FAM168A: variants seen among roughly 807,000 people sequenced by gnomAD.
FAM168A encodes family with sequence similarity 168 member A.
FAM168A carries 3 observed loss-of-function variants against 28.5 expected under a neutral mutation model. That is an observed-to-expected ratio of 0.11 (90% CI 0.05 to 0.27). The LOEUF is 0.27. FAM168A is among the 10% of genes least tolerant of loss of function. FAM168A has a pLI of 1.00. For missense variants in FAM168A, 222 were observed against 311.5 expected (o/e 0.71, Z 2.16); for synonymous variants, 122 against 124.2 (o/e 0.98, Z 0.12).
intron 2 of FAM168A, among the ~76,000 whole-genome samples, chr11:73,431,038 T>C (rs1392524147): frequency 2.0e-5 from 3 of 151,916 alleles, no homozygotes; most frequent in South Asian, 2.1e-4. Flanking sequence ...ATGCTCACTA[T>C]TAAAAAGAAA....
chr11:73,461,008 G>C (rs539854176), intron 2 of FAM168A, among the ~76,000 whole-genome samples: 33 of 152,324 alleles, frequency 2.2e-4, no homozygotes, highest in Admixed American at 1.9e-3. Flanking sequence ...TTCCAGGTTT[G>C]ACATCTATCT....
chr11:73,415,343 G>T (rs1242496392), intron 4 of FAM168A, among the ~76,000 whole-genome samples: 1 of 152,230 alleles, frequency 6.6e-6, no homozygotes, highest in Non-Finnish European at 1.5e-5. Flanking sequence ...GTTGCTGAAA[G>T]AGAGAGCTGT....
intron 1 of FAM168A, among the ~76,000 whole-genome samples, chr11:73,580,670 G>A (rs994047020): frequency 3.3e-5 from 5 of 152,200 alleles, no homozygotes; most frequent in African/African-American, 1.2e-4. Context: ...GTTGTTTTGA[G>A]AGGAAGGGGC....
In FAM168A at chr11:73,451,349, CAG is replaced by C. The variant is rs570546895; in HGVS notation, c.70+17054_70+17055del. On this transcript the variant is annotated intron_variant, in intron 2 of 7. Coordinates refer to ENST00000356467, the MANE Select transcript of FAM168A (RefSeq NM_015159.3). ...ATTCCAAACTCTCAGGTCAATTTGC[CAG>C]AGAGATTTATGGACCTCTGAAAAGG... Among the ~76,000 whole-genome samples, 10 of 152,250 alleles carry C rather than the reference CAG, an allele frequency of 6.6e-5. No homozygotes were observed. In the South Asian group the frequency reaches 2.1e-3, roughly 32 times the overall value.
chr11:73,597,291 C>G (rs879522859), intron 1 of FAM168A, among the ~76,000 whole-genome samples: 8 of 152,052 alleles, frequency 5.3e-5, no homozygotes, highest in Non-Finnish European at 1.2e-4. Flanking sequence ...TTCCATAAGT[C>G]TCCACAAATT....
chr11:73,473,095 C>A (rs1447126239), intron 1 of FAM168A, among the ~76,000 whole-genome samples: 1 of 152,128 alleles, frequency 6.6e-6, no homozygotes. Flanking sequence ...TACCATGTGA[C>A]AGGTACTGTG....
At chr11:73,559,366 C>T (rs1471140286) in intron 1 of FAM168A, among the ~76,000 whole-genome samples, 1 of 151,930 alleles carries the variant, frequency 6.6e-6, no homozygotes, top group African/African-American at 2.4e-5. Flanking sequence ...GAGATCGCGC[C>T]ACTGCATCGA....
chr11:73,527,804 T>C (rs1012490741), intron 1 of FAM168A, among the ~76,000 whole-genome samples: 1 of 151,948 alleles, frequency 6.6e-6, no homozygotes, highest in Non-Finnish European at 1.5e-5. Context: ...TCAACTTATA[T>C]AGAGTATGCA....
intron 1 of FAM168A, among the ~76,000 whole-genome samples, chr11:73,559,303 A>G (rs1590854455): frequency 6.6e-6 from 1 of 152,088 alleles, no homozygotes; most frequent in Non-Finnish European, 1.5e-5. Flanking sequence ...GTTACTCGGG[A>G]GGCTGAGGCA....
intron 1 of FAM168A, among the ~76,000 whole-genome samples, chr11:73,589,044 G>A (rs2134745264): frequency 6.6e-6 from 1 of 152,206 alleles, no homozygotes; most frequent in African/African-American, 2.4e-5. Context: ...CACTGATCTT[G>A]GACTTCTTTC....
rs1050023782 is a variant in FAM168A, at chr11:73,404,856, A to G, written c.*1907T>C. The G allele has an allele frequency of 6.6e-5, 10 of 152,226 alleles. No individual in the cohort carries two copies. The highest frequency in any genetic ancestry group is 2.4e-4 in the African/African-American group (10 of 41,456). 9.4% of individuals were successfully genotyped at this position (152,226 alleles called of 1,614,324 possible). ...CCAAGTTTGCATGAATTTTAAATGAAAGCAGTTTTTTAAAGTCCCAAATGT... is the reference window on the plus strand; with the variant it reads ...CCAAGTTTGCATGAATTTTAAATGAGAGCAGTTTTTTAAAGTCCCAAATGT... On this transcript the variant is annotated 3_prime_UTR_variant, in exon 8 of 8. Transcript: ENST00000356467.
chr11:73,544,721 TTTATATGTAA>T, intron 1 of FAM168A, among the ~76,000 whole-genome samples: 1 of 117,114 alleles, frequency 8.5e-6, no homozygotes, highest in East Asian at 2.1e-4. Context: ...AATTATATAT[TTTATATGTAA>T]TTATATATAA....
intron 1 of FAM168A, among the ~76,000 whole-genome samples, chr11:73,590,246 A>T (rs547173961): frequency 6.6e-5 from 10 of 152,160 alleles, no homozygotes; most frequent in African/African-American, 2.2e-4. Context: ...TACAAAAAAA[A>T]TTTTAAAATA....
Position 73,529,931 on chromosome 11 carries a change from C to T in FAM168A, c.-18-61439G>A, listed in dbSNP as rs543449214. 8.6e-5 allele frequency among the ~76,000 whole-genome samples: 13 copies of T among 151,552 alleles called. No homozygotes were observed. In the South Asian group the frequency reaches 2.3e-3, roughly 27 times the overall value. On this transcript the variant is annotated intron_variant, in intron 1 of 7. Coordinates refer to ENST00000356467, the MANE Select transcript of FAM168A (RefSeq NM_015159.3). ...TCTCCAGAGTAGCTGGGATTACAGG[C>T]GCCCGGCACCACACCCAGCTAATTT...
At chr11:73,590,803 G>A (rs114520301) in intron 1 of FAM168A, among the ~76,000 whole-genome samples, 2,103 of 151,942 alleles carry the variant, frequency 0.014, 48 homozygotes, top group African/African-American at 0.048. Context: ...ACAGCTCCTC[G>A]GGTGATTCTA....
intron 2 of FAM168A, among the ~76,000 whole-genome samples, chr11:73,465,042 T>C (rs1404858297): frequency 6.6e-6 from 1 of 151,854 alleles, no homozygotes; most frequent in African/African-American, 2.4e-5. Flanking sequence ...CAACCATTAA[T>C]TGAGTGTCCA....
At chr11:73,422,932 C>T (rs1866823998) in intron 3 of FAM168A, among the ~76,000 whole-genome samples, 1 of 152,198 alleles carries the variant, frequency 6.6e-6, no homozygotes, top group African/African-American at 2.4e-5. Flanking sequence ...CTGTTTAGCA[C>T]ACTTACAAGG....
chr11:73,420,631 CA>C (rs777313774), intron 3 of FAM168A, among the ~76,000 whole-genome samples: 3 of 152,232 alleles, frequency 2.0e-5, no homozygotes, highest in Non-Finnish European at 4.4e-5. Flanking sequence ...GCCAGACAGA[CA>C]TACTTCTTGC....
At chr11:73,533,192 C>T (rs1216903521) in intron 1 of FAM168A, among the ~76,000 whole-genome samples, 1 of 152,004 alleles carries the variant, frequency 6.6e-6, no homozygotes, top group Non-Finnish European at 1.5e-5. Context: ...TCCCACCTGC[C>T]CTACTTACCT....
Sources: gnomAD v4.1 joint callset for allele counts (sites outside exome capture counted in the v4.1 genomes callset) on GRCh38, gnomAD v4.1.1 for gene constraint, MANE v1.5 for transcripts, NCBI Gene and HGNC (gene_info 2026-07-23, HGNC 2026-07-21) for gene names.